Variants in AK9 observed in about 807,000 individuals in gnomAD.
The protein encoded by AK9 is adenylate kinase 9.
Under a neutral mutation model 239.6 loss-of-function variants are expected in AK9, and 191 were observed. That is an observed-to-expected ratio of 0.80 (90% CI 0.71 to 0.90). The LOEUF is 0.90. Ranked by LOEUF, AK9 falls within the 40% of genes least tolerant of loss-of-function variation. AK9 has a pLI of 0.00. For synonymous variants in AK9, 689 were observed against 721.0 expected, an observed-to-expected ratio of 0.96 and a Z score of 0.71; for missense variants, 1,995 against 2,214.7, an observed-to-expected ratio of 0.90 and a Z score of 1.99.
At chr6:109,620,148 T>C (rs746915396) in intron 12 of AK9, among the ~76,000 whole-genome samples, 2 of 152,174 alleles carry the variant, frequency 1.3e-5, no homozygotes, top group Non-Finnish European at 2.9e-5. Flanking sequence ...TGGTTATGTG[T>C]TTCCACTTCT....
At chr6:109,534,112 T>C (rs1324388957) in intron 27 of AK9, among the ~76,000 whole-genome samples, 1 of 151,828 alleles carries the variant, frequency 6.6e-6, no homozygotes, top group African/African-American at 2.4e-5. Context: ...GGCAAGATGA[T>C]TATATTCAAA....
chr6:109,515,940 G>C lies in AK9; in HGVS notation c.3982C>G (p.Pro1328Ala). ...TTCTGGGCAAGGGGTGCTGGTATTG[G>C]ATGACATTTCTCAAAAATGCTTGCA... ...NRASIFEKCH[P>A]IPAPLAQKML... is the part of the protein sequence containing the mutation. Residue 1328 changes from proline (P) to alanine (A), a missense_variant, in exon 31 of 41, where the codon CCA becomes GCA. This residue lies in a region of AK9 where 1,290 missense variants were observed against 1,392.7 expected (regional missense o/e 0.93). Transcript: ENST00000424296. 2 of 1,551,726 alleles carry C rather than the reference G, an allele frequency of 1.3e-6. No homozygotes were observed. Among genetic ancestry groups the C allele is most frequent in the African/African-American group, 1.4e-5 (1 of 73,152 alleles).
intron 17 of AK9, among the ~76,000 whole-genome samples, chr6:109,603,704 C>T (rs974980555): frequency 6.6e-6 from 1 of 152,202 alleles, no homozygotes. Flanking sequence ...CCTCCTTGAG[C>T]TGTGGTGGGA....
chr6:109,607,141 T>C (rs1489801995), intron 17 of AK9, among the ~76,000 whole-genome samples: 2 of 151,984 alleles, frequency 1.3e-5, no homozygotes, highest in African/African-American at 4.8e-5. Context: ...GCAGCAACAA[T>C]TAGAAAATAA....
intron 20 of AK9, among the ~76,000 whole-genome samples, chr6:109,577,195 T>C (rs1788209624): frequency 6.6e-6 from 1 of 152,174 alleles, no homozygotes; most frequent in Non-Finnish European, 1.5e-5. Context: ...GTTTTAATCA[T>C]AAAGGGGTGC....
intron 1 of AK9, among the ~76,000 whole-genome samples, chr6:109,687,588 A>G (rs1048910821): frequency 1.3e-5 from 2 of 152,320 alleles, no homozygotes; most frequent in East Asian, 3.9e-4. Context: ...AGCTGGTAAG[A>G]AAACAGTGAC....
intron 19 of AK9, among the ~76,000 whole-genome samples, chr6:109,584,373 A>G (rs928739678): frequency 2.6e-5 from 4 of 152,144 alleles, no homozygotes; most frequent in Admixed American, 2.6e-4. Flanking sequence ...AGGAAGTTCC[A>G]TGGATTTACA....
chr6:109,607,601 GA>G, intron 17 of AK9, among the ~76,000 whole-genome samples: 1 of 152,144 alleles, frequency 6.6e-6, no homozygotes, highest in Non-Finnish European at 1.5e-5. Flanking sequence ...TGGTATCTGT[GA>G]GGGTCATGGA....
chr6:109,567,472 C>G (rs891650887), intron 21 of AK9, among the ~76,000 whole-genome samples: 2 of 152,056 alleles, frequency 1.3e-5, no homozygotes, highest in African/African-American at 2.4e-5. Context: ...TAGGACCAGA[C>G]AGATTCACGG....
intron 17 of AK9, among the ~76,000 whole-genome samples, chr6:109,595,215 C>A (rs1323550381): frequency 6.6e-6 from 1 of 152,168 alleles, no homozygotes; most frequent in Non-Finnish European, 1.5e-5. Flanking sequence ...AGACACTTCT[C>A]AAAAGAAGAC....
At chr6:109,633,377 A>C (rs1252384588) in intron 10 of AK9, 54 bp from the exon 11 acceptor site, 1 of 1,507,264 alleles carries the variant, frequency 6.6e-7, no homozygotes, top group Non-Finnish European at 8.9e-7. Context: ...TGCTGAAATT[A>C]GGAGCATTAA....
chr6:109,679,070 CATA>C, intron 1 of AK9, among the ~76,000 whole-genome samples: 1 of 152,254 alleles, frequency 6.6e-6, no homozygotes, highest in Non-Finnish European at 1.5e-5. Flanking sequence ...GAGTTTTTTT[CATA>C]TCCCAGTGGC....
intron 10 of AK9, among the ~76,000 whole-genome samples, chr6:109,636,272 G>A (rs78838595): frequency 0.015 from 2,237 of 152,172 alleles, 59 homozygotes; most frequent in African/African-American, 0.051. Context: ...TCACCAGGGA[G>A]CTGGAGTCTA....
At chr6:109,517,233 T>C (rs1779370514) in intron 29 of AK9, among the ~76,000 whole-genome samples, 1 of 152,208 alleles carries the variant, frequency 6.6e-6, no homozygotes, top group Non-Finnish European at 1.5e-5. Context: ...TGTGTATCTC[T>C]ACACCCTATT....
chr6:109,620,271 C>A, intron 12 of AK9, among the ~76,000 whole-genome samples: 1 of 152,062 alleles, frequency 6.6e-6, no homozygotes, highest in East Asian at 1.9e-4. Context: ...TACATCTCTA[C>A]CAGAAAGATA....
At chr6:109,646,359 C>T (rs553553189) in intron 8 of AK9, among the ~76,000 whole-genome samples, 6 of 152,116 alleles carry the variant, frequency 3.9e-5, no homozygotes, top group Admixed American at 2.0e-4. Context: ...AAAGGTTAGA[C>T]GAATGGCTAA....
chr6:109,656,181 G>T (rs1171984374), intron 8 of AK9, among the ~76,000 whole-genome samples: 1 of 152,054 alleles, frequency 6.6e-6, no homozygotes, highest in Non-Finnish European at 1.5e-5. Context: ...AGTCTTACCT[G>T]GACTTTTTAC....
At chr6:109,515,354 A>T (rs1182406266) in intron 31 of AK9, among the ~76,000 whole-genome samples, 1 of 152,184 alleles carries the variant, frequency 6.6e-6, no homozygotes, top group Non-Finnish European at 1.5e-5. Context: ...GTAGGAATGA[A>T]GTTGGAGGAG....
At chr6:109,537,462 A>AT (rs754188088) in intron 27 of AK9, among the ~76,000 whole-genome samples, 6 of 143,498 alleles carry the variant, frequency 4.2e-5, no homozygotes, top group Non-Finnish European at 9.5e-5. Flanking sequence ...CCCCTTTATC[A>AT]TTTTTTATTG....
Sources: gnomAD v4.1 joint callset for allele counts (sites outside exome capture counted in the v4.1 genomes callset) on GRCh38, gnomAD v4.1.1 for gene constraint, gnomAD v4.1.1 regional missense constraint, MANE v1.5 for transcripts, NCBI Gene and HGNC (gene_info 2026-07-23, HGNC 2026-07-21) for gene names.